Variants in PTPRD observed in about 807,000 individuals in gnomAD.
The protein encoded by PTPRD is protein tyrosine phosphatase receptor type D.
In PTPRD, 34 loss-of-function variants were observed where a neutral mutation model predicts 214.5. The observed-to-expected ratio is 0.16, with a 90% CI of 0.12 to 0.21. The LOEUF (loss-of-function observed/expected upper bound fraction) is 0.21, where lower values mean the gene tolerates loss of function less well. Ranked by LOEUF, PTPRD falls within the 10% of genes least tolerant of loss-of-function variation. The pLI, the probability that PTPRD is intolerant of heterozygous loss-of-function variation, is 1.00. For synonymous variants in PTPRD, 1,128 were observed against 845.7 expected, an observed-to-expected ratio of 1.33 and a Z score of -5.79; for missense variants, 2,545 against 2,398.7, an observed-to-expected ratio of 1.06 and a Z score of -1.27.
intron 12 of PTPRD, among the ~76,000 whole-genome samples, chr9:8,706,177 A>T (rs988166269): frequency 1.3e-5 from 2 of 151,472 alleles, no homozygotes; most frequent in African/African-American, 2.4e-5. Context: ...ACACTGAATT[A>T]AAAAAAAAGA....
chr9:9,835,689 C>A (rs1213779015), intron 5 of PTPRD, among the ~76,000 whole-genome samples: 1 of 152,026 alleles, frequency 6.6e-6, no homozygotes, highest in African/African-American at 2.4e-5. Flanking sequence ...TGTGACCATA[C>A]CAAAGTAAGT....
At chr9:8,925,877 T>TTTA (rs1555530702) in intron 11 of PTPRD, among the ~76,000 whole-genome samples, 1 of 149,702 alleles carries the variant, frequency 6.7e-6, no homozygotes, top group Non-Finnish European at 1.5e-5. Flanking sequence ...TTTTTTTTTT[T>TTTA]ACTGATCTCT....
chr9:8,697,013 C>T (rs1040959328), intron 12 of PTPRD, among the ~76,000 whole-genome samples: 6 of 152,146 alleles, frequency 3.9e-5, no homozygotes, highest in South Asian at 4.1e-4. Context: ...CTTGCGGAAG[C>T]GTGAGAACAA....
intron 3 of PTPRD, among the ~76,000 whole-genome samples, chr9:10,036,786 G>A (rs2097190897): frequency 6.6e-6 from 1 of 152,114 alleles, no homozygotes; most frequent in Non-Finnish European, 1.5e-5. Flanking sequence ...GTTTCATCAT[G>A]TTGGCCAGGA....
intron 11 of PTPRD, among the ~76,000 whole-genome samples, chr9:8,934,421 GTATA>G (rs200706346): frequency 7.3e-5 from 2 of 27,328 alleles, no homozygotes; most frequent in Non-Finnish European, 1.2e-4. Context: ...GTGTGTGTGT[GTATA>G]TATATATATA....
intron 11 of PTPRD, among the ~76,000 whole-genome samples, chr9:8,911,426 TGTGTGTGTGTGTGTGA>T (rs1400034604): frequency 1.3e-5 from 2 of 151,420 alleles, no homozygotes; most frequent in Admixed American, 6.6e-5. Flanking sequence ...TGTGTGTGTG[TGTGTGTGTGTGTGTGA>T]GAGAGAGAGA....
chr9:9,782,929 TTATTTTG>T (rs2098867446), intron 5 of PTPRD, among the ~76,000 whole-genome samples: 1 of 152,190 alleles, frequency 6.6e-6, no homozygotes, highest in Non-Finnish European at 1.5e-5. Flanking sequence ...GTTGACTGAC[TTATTTTG>T]TATTTTAAGA....
intron 39 of PTPRD, among the ~76,000 whole-genome samples, chr9:8,365,642 G>A (rs1255163465): frequency 6.6e-6 from 1 of 152,148 alleles, no homozygotes; most frequent in African/African-American, 2.4e-5. Flanking sequence ...GGTCATAAAT[G>A]AGTTGTTGTT....
chr9:10,485,418 G>T (rs2099126252), intron 2 of PTPRD, among the ~76,000 whole-genome samples: 1 of 152,030 alleles, frequency 6.6e-6, no homozygotes. Flanking sequence ...CATTTTGACA[G>T]GAATTGCATT....
At chr9:9,658,879 C>T (rs2096571451) in intron 7 of PTPRD, among the ~76,000 whole-genome samples, 2 of 152,060 alleles carry the variant, frequency 1.3e-5, no homozygotes, top group Admixed American at 6.6e-5. Flanking sequence ...GAAGCCCAGG[C>T]TTACTGAGGT....
rs529549339 is a variant in PTPRD, at chr9:9,542,391, A to G, written c.-237+32341T>C. 7.2e-5 allele frequency among the ~76,000 whole-genome samples: 11 copies of G among 151,884 alleles called. No homozygotes were observed. The South Asian group carries it at 1.0e-3, about 14-fold the overall frequency. On this transcript the variant is annotated intron_variant, in intron 8 of 45. Transcript: ENST00000381196. ...TATCTTCAAGCTTTGAAGGAGTCCA[A>G]TATTTCTTATACAGGACACAAAAGC... is the stretch of plus-strand genomic sequence containing the variant.
At chr9:9,031,896 G>C (rs2099606734) in intron 10 of PTPRD, among the ~76,000 whole-genome samples, 1 of 151,714 alleles carries the variant, frequency 6.6e-6, no homozygotes, top group Admixed American at 6.6e-5. Context: ...CAAAAAATGG[G>C]GCATTTTACT....
chr9:10,469,108 A>T (rs2099013652), intron 2 of PTPRD, among the ~76,000 whole-genome samples: 1 of 152,162 alleles, frequency 6.6e-6, no homozygotes, highest in Non-Finnish European at 1.5e-5. Flanking sequence ...CCTTTATTCA[A>T]ATAGTATACT....
rs148332138 is a variant in PTPRD, at chr9:9,359,381, T to A, written c.-203+38068A>T. Among the ~76,000 whole-genome samples the A allele has an allele frequency of 7.2e-3, 1,090 of 151,400 alleles. 11 individuals are homozygous for A. The highest frequency in any genetic ancestry group is 0.025 in the African/African-American group (1,018 of 41,442). ...AATTGATTTAATGGTATGCATGACTTCACATTCAATTTCTATAAAAATGTC... is the reference window on the plus strand; with the variant it reads ...AATTGATTTAATGGTATGCATGACTACACATTCAATTTCTATAAAAATGTC... On this transcript the variant is annotated intron_variant, in intron 9 of 45. Transcript: ENST00000381196.
chr9:9,562,442 C>T (rs574813861), intron 8 of PTPRD, among the ~76,000 whole-genome samples: 51 of 152,278 alleles, frequency 3.3e-4, no homozygotes, highest in African/African-American at 1.2e-3. Flanking sequence ...AGATAATTAC[C>T]TTAGTATCAT....
rs190448811 is a variant in PTPRD at position 10,472,366 on chromosome 9, A to G, written c.-599-131349T>C. 1.6e-3 allele frequency among the ~76,000 whole-genome samples: 250 copies of G among 152,304 alleles called. 2 individuals are homozygous for G. The highest frequency in any genetic ancestry group is 5.7e-3 in the African/African-American group (235 of 41,562). ...CTATTCAATATTTGTTAAGTTTCAC[A>G]TTACAGAGATGGGTAACTTTGCATT... On this transcript the variant is annotated intron_variant, in intron 2 of 45. Coordinates refer to ENST00000381196, the MANE Select transcript of PTPRD (RefSeq NM_002839.4).
chr9:10,357,566 A>G (rs748691248), intron 2 of PTPRD, among the ~76,000 whole-genome samples: 2 of 152,242 alleles, frequency 1.3e-5, no homozygotes, highest in East Asian at 3.8e-4. Context: ...AACTTGGCAC[A>G]TAGTAAATGC....
chr9:8,476,236 T>G (rs976965554), intron 30 of PTPRD, among the ~76,000 whole-genome samples: 8 of 152,162 alleles, frequency 5.3e-5, no homozygotes, highest in Non-Finnish European at 1.2e-4. Context: ...AGGCATTAGA[T>G]TCTCATAAAG....
At chr9:9,157,317 T>A (rs2099882058) in intron 10 of PTPRD, among the ~76,000 whole-genome samples, 3 of 149,044 alleles carry the variant, frequency 2.0e-5, no homozygotes, top group African/African-American at 4.9e-5. Flanking sequence ...CAGAAAAAAA[T>A]TACAAAAAAT....
Sources: gnomAD v4.1 joint callset for allele counts (sites outside exome capture counted in the v4.1 genomes callset) on GRCh38, gnomAD v4.1.1 for gene constraint, MANE v1.5 for transcripts, NCBI Gene and HGNC (gene_info 2026-07-23, HGNC 2026-07-21) for gene names.